PALLD: variants seen among roughly 807,000 people sequenced by gnomAD.
PALLD encodes palladin.
PALLD carries 61 observed loss-of-function variants against 123.5 expected under a neutral mutation model. The ratio of observed to expected loss-of-function variants is 0.49; its 90% confidence interval spans 0.40 to 0.61. The LOEUF (loss-of-function observed/expected upper bound fraction) is 0.61. PALLD is among the 20% of genes least tolerant of loss of function. The pLI is 0.00. For missense variants in PALLD, 1,273 were observed against 1,377.0 expected (o/e 0.92, Z 1.20); for synonymous variants, 465 against 496.4 (o/e 0.94, Z 0.84).
At chr4:168,638,801 C>G (rs1050985937) in intron 2 of PALLD, among the ~76,000 whole-genome samples, 2 of 151,600 alleles carry the variant, frequency 1.3e-5, no homozygotes, top group African/African-American at 4.8e-5. Flanking sequence ...GGCCCCACTT[C>G]CTAAATACCA....
In PALLD at chr4:168,570,613, G is replaced by A. The variant is rs148281510; in HGVS notation, c.908+58201G>A. On this transcript the variant is annotated intron_variant, in intron 2 of 21. Coordinates refer to ENST00000505667, the MANE Select transcript of PALLD (RefSeq NM_001166108.2). ...TGAGATAGGAATAAAATTAAAATGTGTTACCATAGAAGCATCTGTAACATT... is the reference window on the plus strand; with the variant it reads ...TGAGATAGGAATAAAATTAAAATGTATTACCATAGAAGCATCTGTAACATT... Among the ~76,000 whole-genome samples, 63 of 152,210 alleles carry A rather than the reference G, an allele frequency of 4.1e-4. 1 individual carries two copies. The highest frequency in any genetic ancestry group is 1.4e-3 in the African/African-American group (59 of 41,536).
Position 168,577,569 on chromosome 4 carries a change from G to T in PALLD, c.908+65157G>T, listed in dbSNP as rs373688639. 2.0e-3 allele frequency among the ~76,000 whole-genome samples: 300 copies of T among 152,208 alleles called. 2 individuals carry two copies. The highest frequency in any genetic ancestry group is 6.8e-3 in the African/African-American group (281 of 41,550). ...AGGAAGGATTTAAAATATATCAAAAGTATTTGCAATTTTTATTCTCTAAGA... is the reference window on the plus strand; with the variant it reads ...AGGAAGGATTTAAAATATATCAAAATTATTTGCAATTTTTATTCTCTAAGA... On this transcript the variant is annotated intron_variant, in intron 2 of 21. Transcript: ENST00000505667.
At chr4:168,679,538 G>A (rs1335665431) in intron 3 of PALLD, among the ~76,000 whole-genome samples, 1 of 147,756 alleles carries the variant, frequency 6.8e-6, no homozygotes, top group African/African-American at 2.5e-5. Context: ...GATATGGTGT[G>A]TGGGGAGTGT....
chr4:168,677,176 G>GT (rs763547704), intron 3 of PALLD, among the ~76,000 whole-genome samples: 319 of 144,980 alleles, frequency 2.2e-3, no homozygotes, highest in Non-Finnish European at 2.1e-3. Flanking sequence ...CCGTAGTGTT[G>GT]TTTTTTTTTT....
intron 10 of PALLD, among the ~76,000 whole-genome samples, chr4:168,888,727 C>T (rs1393017705): frequency 1.3e-5 from 2 of 152,124 alleles, no homozygotes; most frequent in African/African-American, 2.4e-5. Context: ...GGATTGAGAC[C>T]ATTTAAATTG....
intron 10 of PALLD, among the ~76,000 whole-genome samples, chr4:168,761,645 G>GTTTTTTTTTTTGTT (rs1732877276): frequency 1.1e-5 from 1 of 88,024 alleles, no homozygotes; most frequent in African/African-American, 4.1e-5. Context: ...GTTGTTGTTT[G>GTTTTTTTTTTTGTT]TTTTTTTTTT....
chr4:168,830,362 C>A (rs1744029656), intron 10 of PALLD, among the ~76,000 whole-genome samples: 2 of 150,384 alleles, frequency 1.3e-5, no homozygotes. Flanking sequence ...TTGTCTTGAA[C>A]AAAAAAAAAT....
At chr4:168,521,993 A>G (rs1158314500) in intron 2 of PALLD, among the ~76,000 whole-genome samples, 1 of 152,180 alleles carries the variant, frequency 6.6e-6, no homozygotes, top group Non-Finnish European at 1.5e-5. Context: ...ACAACTAATT[A>G]TCTCCCCATC....
intron 10 of PALLD, among the ~76,000 whole-genome samples, chr4:168,799,376 A>C (rs1027752036): frequency 2.0e-5 from 3 of 152,192 alleles, no homozygotes; most frequent in Non-Finnish European, 4.4e-5. Flanking sequence ...TGCTTTGTCC[A>C]GGGTAGTCAG....
intron 10 of PALLD, among the ~76,000 whole-genome samples, chr4:168,803,463 T>C (rs573720489): frequency 6.6e-6 from 1 of 152,092 alleles, no homozygotes; most frequent in East Asian, 1.9e-4. Flanking sequence ...GGTGAGAGGA[T>C]TGCTTGAGCC....
At chr4:168,644,428 T>G (rs1777245738) in intron 2 of PALLD, among the ~76,000 whole-genome samples, 1 of 152,142 alleles carries the variant, frequency 6.6e-6, no homozygotes, top group Non-Finnish European at 1.5e-5. Flanking sequence ...AGCACTGACC[T>G]TGTCCCAAGG....
intron 10 of PALLD, among the ~76,000 whole-genome samples, chr4:168,793,751 C>T (rs1414665268): frequency 2.6e-5 from 4 of 152,152 alleles, no homozygotes; most frequent in Non-Finnish European, 5.9e-5. Context: ...CTCCCACAGT[C>T]GTTATCTCCT....
intron 3 of PALLD, among the ~76,000 whole-genome samples, chr4:168,669,850 C>T (rs1328566039): frequency 1.3e-5 from 2 of 151,492 alleles, no homozygotes; most frequent in East Asian, 1.9e-4. Flanking sequence ...CCGTAGCCTA[C>T]GAGGTATTAT....
intron 17 of PALLD, among the ~76,000 whole-genome samples, chr4:168,920,623 A>G (rs1379151607): frequency 1.3e-5 from 2 of 152,310 alleles, no homozygotes; most frequent in Middle Eastern, 3.4e-3. Context: ...ACATGTTATT[A>G]GCAATTAAAT....
At chr4:168,610,030 T>C (rs970183803) in intron 2 of PALLD, among the ~76,000 whole-genome samples, 3 of 152,258 alleles carry the variant, frequency 2.0e-5, no homozygotes, top group Non-Finnish European at 4.4e-5. Context: ...CCATTTATGA[T>C]ATTTGTTCCA....
chr4:168,776,682 A>G (rs957119091), intron 10 of PALLD, among the ~76,000 whole-genome samples: 1 of 152,108 alleles, frequency 6.6e-6, no homozygotes, highest in East Asian at 1.9e-4. Context: ...TTCTATTCCT[A>G]GTTCACTTAG....
chr4:168,580,924 A>G (rs961359560), intron 2 of PALLD, among the ~76,000 whole-genome samples: 12 of 152,018 alleles, frequency 7.9e-5, no homozygotes, highest in Admixed American at 3.9e-4. Context: ...AAAAAATGAG[A>G]ACATGTGGAC....
chr4:168,916,033 A>G lies in PALLD; in HGVS notation c.2850+6A>G. On this transcript the variant is annotated splice_donor_region_variant and intron_variant, in intron 17 of 21. Coordinates refer to ENST00000505667, the MANE Select transcript of PALLD (RefSeq NM_001166108.2). ...TCTGCAGAATGGACTGCAAAGTAAGATTTTGTTATTGCTTGCATATCCTAT... is the reference window on the plus strand; with the variant it reads ...TCTGCAGAATGGACTGCAAAGTAAGGTTTTGTTATTGCTTGCATATCCTAT... The G allele has an allele frequency of 6.2e-7, 1 of 1,612,830 alleles. No homozygotes were observed. Among genetic ancestry groups the G allele is most frequent in the Non-Finnish European group, 8.5e-7 (1 of 1,179,352 alleles).
intron 2 of PALLD, among the ~76,000 whole-genome samples, chr4:168,641,315 G>A (rs1776928863): frequency 6.6e-6 from 1 of 152,054 alleles, no homozygotes; most frequent in African/African-American, 2.4e-5. Context: ...CACCGTAGAG[G>A]GTTTTGAGTA....
Sources: allele counts gnomAD v4.1 joint callset (sites outside exome capture counted in the v4.1 genomes callset), GRCh38; gene constraint gnomAD v4.1.1; transcripts MANE v1.5; gene names NCBI Gene and HGNC (gene_info 2026-07-23, HGNC 2026-07-21).